CELF2: variants seen among roughly 807,000 people sequenced by gnomAD.
CELF2 encodes the protein CUGBP Elav-like family member 2.
In CELF2, 8 loss-of-function variants were observed where a neutral mutation model predicts 62.6. That is an observed-to-expected ratio of 0.13 (90% CI 0.07 to 0.23). The LOEUF is 0.23. CELF2 is among the 10% of genes least tolerant of loss of function. The pLI is 1.00. For missense variants in CELF2, 333 were observed against 671.0 expected (o/e 0.50, Z 5.56); for synonymous variants, 258 against 250.0 (o/e 1.03, Z -0.30).
the CELF2 span, among the ~76,000 whole-genome samples, chr10:10,711,830 C>T: frequency 3.9e-5 from 6 of 151,986 alleles, no homozygotes; most frequent in Non-Finnish European, 8.8e-5. Flanking sequence ...TGCAGTGAGC[C>T]GAGATCGTGC....
At chr10:10,577,385 A>C in the CELF2 span, among the ~76,000 whole-genome samples, 1 of 149,828 alleles carries the variant, frequency 6.7e-6, no homozygotes, top group African/African-American at 2.4e-5. Context: ...TATTATTATT[A>C]TTATTATTAT....
chr10:11,294,902 T>G (rs1269430171), intron 9 of CELF2, among the ~76,000 whole-genome samples: 1 of 152,348 alleles, frequency 6.6e-6, no homozygotes, highest in East Asian at 1.9e-4. Flanking sequence ...AGAGTGAGGC[T>G]CTTTCTCAAC....
chr10:11,197,058 A>AAAGAAAGAAAGAAAG lies in CELF2; in HGVS notation c.272-20365_272-20364insGAAAGAAAGAAAGAA, dbSNP rs1250421470. Among the ~76,000 whole-genome samples, 77 of 71,950 alleles carry AAAGAAAGAAAGAAAG rather than the reference A, an allele frequency of 1.1e-3. 6 individuals are homozygous for AAAGAAAGAAAGAAAG. The highest frequency in any genetic ancestry group is 4.0e-3 in the African/African-American group (70 of 17,318). The allele number at this position is 71,950 out of a possible 152,430, so 47.2% of individuals were successfully genotyped here. On this transcript the variant is annotated intron_variant, in intron 2 of 12. Transcript: ENST00000633077. The stretch of plus-strand genomic sequence containing the variant: ...GAAAGAAAGAAAGAAAGAAAGAAAG[A>AAAGAAAGAAAGAAAG]AAAGAAAGAAAGGAAAGAAAGAAAG...
intron 1 of CELF2, among the ~76,000 whole-genome samples, chr10:11,080,446 G>A (rs1284223892): frequency 6.6e-6 from 1 of 152,178 alleles, no homozygotes; most frequent in Non-Finnish European, 1.5e-5. Context: ...CCTCTATTAA[G>A]ACCAGGAACA....
the CELF2 span, among the ~76,000 whole-genome samples, chr10:10,769,247 C>T: frequency 6.0e-4 from 92 of 152,232 alleles, no homozygotes; most frequent in Non-Finnish European, 2.2e-4. Flanking sequence ...GGGCATTTCT[C>T]GCATCCAAGT....
chr10:11,059,087 A>G (rs2066082947), intron 1 of CELF2, among the ~76,000 whole-genome samples: 1 of 152,118 alleles, frequency 6.6e-6, no homozygotes, highest in Non-Finnish European at 1.5e-5. Context: ...CTGTCCTTCT[A>G]TTTTATGTAT....
rs114065609 is a variant in CELF2 at position 11,065,289 on chromosome 10, T to C, written c.74+47126T>C. 7.1e-4 allele frequency among the ~76,000 whole-genome samples: 108 copies of C among 152,352 alleles called. 1 individual carries two copies. The highest frequency in any genetic ancestry group is 2.4e-3 in the African/African-American group (99 of 41,576). On this transcript the variant is annotated intron_variant, in intron 1 of 12. Transcript: ENST00000633077. ...GTGTTGTGTATGCAAGTATTTGTCT[T>C]ACAGTGATGCATTTTCAAAAATGTG... is the stretch of plus-strand genomic sequence containing the variant.
rs995933675 is a variant in CELF2, at chr10:11,039,460, A to G, written c.74+21297A>G. The stretch of plus-strand genomic sequence containing the variant: ...AATTATACCATTAGGGTGGTGAGCT[A>G]TGTAGTCACGGTCACAGTGTGTACT... On this transcript the variant is annotated intron_variant, in intron 1 of 12. Coordinates refer to ENST00000633077, the MANE Select transcript of CELF2 (RefSeq NM_001326342.2). The surrounding 1 kb of genome is among the most constrained non-coding windows in gnomAD (Gnocchi z 4.1). 2.6e-5 allele frequency among the ~76,000 whole-genome samples: 4 copies of G among 152,208 alleles called. No individual in the cohort carries two copies. The highest frequency in any genetic ancestry group is 9.7e-5 in the African/African-American group (4 of 41,436).
At chr10:10,541,736 T>G in the CELF2 span, among the ~76,000 whole-genome samples, 1 of 152,216 alleles carries the variant, frequency 6.6e-6, no homozygotes, top group South Asian at 2.1e-4. Flanking sequence ...ATTGCCATCT[T>G]GGTTTTGGTG....
chr10:10,562,297 C>T, the CELF2 span, among the ~76,000 whole-genome samples: 2 of 152,150 alleles, frequency 1.3e-5, no homozygotes, highest in Non-Finnish European at 2.9e-5. Flanking sequence ...CTTCTGCAGA[C>T]AGGCTGTGTT....
upstream of CELF2, among the ~76,000 whole-genome samples, chr10:11,013,069 T>C (rs1318765572): frequency 6.6e-6 from 1 of 152,108 alleles, no homozygotes; most frequent in African/African-American, 2.4e-5. This position sits in a 1 kb window ranked among gnomAD's most constrained non-coding sequence, Gnocchi z 4.1. Context: ...CAGGGCTCAC[T>C]GCGAAGACAG....
At chr10:11,144,747 C>T (rs985781067) in intron 1 of CELF2, among the ~76,000 whole-genome samples, 2 of 151,682 alleles carry the variant, frequency 1.3e-5, no homozygotes, top group Non-Finnish European at 2.9e-5. Context: ...AAAAAATCAG[C>T]CAGGTGTGGT....
At position 11,117,433 on chromosome 10, in the gene CELF2, G is replaced by A. The variant is rs1298429571; in HGVS notation, c.75-48053G>A. 6.6e-6 allele frequency among the ~76,000 whole-genome samples: 1 copy of A among 152,204 alleles called. No homozygotes were observed. The highest frequency in any genetic ancestry group is 1.5e-5 in the Non-Finnish European group (1 of 68,036). Reference sequence around the variant, plus strand: ...AAAAAGCCAGTGGCTCTCCAGGAATGAAGATGCTCAAGGAGGCCTTGCTGT... The same window carrying A: ...AAAAAGCCAGTGGCTCTCCAGGAATAAAGATGCTCAAGGAGGCCTTGCTGT... On this transcript the variant is annotated intron_variant, in intron 1 of 12. Transcript: ENST00000633077. The surrounding 1 kb of genome is among the most constrained non-coding windows in gnomAD (Gnocchi z 4.1).
intron 1 of CELF2, among the ~76,000 whole-genome samples, chr10:10,857,943 A>G (rs1235141811): frequency 6.6e-6 from 1 of 151,834 alleles, no homozygotes; most frequent in African/African-American, 2.4e-5. Context: ...TTTTTTAGTC[A>G]CTAGATGGGC....
At chr10:10,687,107 T>G in the CELF2 span, among the ~76,000 whole-genome samples, 6 of 152,176 alleles carry the variant, frequency 3.9e-5, no homozygotes, top group South Asian at 6.2e-4. Context: ...TGTGGTGCCG[T>G]TTTTTCATTT....
At chr10:10,782,163 G>C in the CELF2 span, among the ~76,000 whole-genome samples, 1 of 152,160 alleles carries the variant, frequency 6.6e-6, no homozygotes, top group Non-Finnish European at 1.5e-5. Context: ...AGGGACAACT[G>C]TATATAGGAA....
At chr10:11,103,381 A>G (rs1001387411) in intron 1 of CELF2, among the ~76,000 whole-genome samples, 2 of 134,398 alleles carry the variant, frequency 1.5e-5, no homozygotes, top group African/African-American at 5.6e-5. Context: ...AGAAGCTTTT[A>G]TTTTCACTTA....
chr10:10,732,051 G>A, the CELF2 span, among the ~76,000 whole-genome samples: 1 of 152,012 alleles, frequency 6.6e-6, no homozygotes, highest in Non-Finnish European at 1.5e-5. Flanking sequence ...CATATGTCCT[G>A]GCCTGGAAAA....
chr10:10,653,051 G>A, the CELF2 span, among the ~76,000 whole-genome samples: 1 of 152,052 alleles, frequency 6.6e-6, no homozygotes, highest in Non-Finnish European at 1.5e-5. Context: ...AACAAAAAAA[G>A]GCAGGGGTTG....
Sources: allele counts gnomAD v4.1 joint callset (sites outside exome capture counted in the v4.1 genomes callset), GRCh38; gene constraint gnomAD v4.1.1; non-coding constraint Gnocchi (gnomAD v3.1); transcripts MANE v1.5; gene names NCBI Gene and HGNC (gene_info 2026-07-23, HGNC 2026-07-21).